The following NELL2 variants were observed in gnomAD, a reference collection of about 807,000 sequenced individuals.
NELL2 encodes the protein protein kinase C-binding protein NELL2.
Under a neutral mutation model 109.6 loss-of-function variants are expected in NELL2, and 41 were observed. That is an observed-to-expected ratio of 0.37 (90% CI 0.29 to 0.49). The LOEUF is 0.49. Ranked by LOEUF, NELL2 falls within the 20% of genes least tolerant of loss-of-function variation. The pLI is 0.98. For missense variants in NELL2, 900 were observed against 1,008.3 expected, an observed-to-expected ratio of 0.89 and a Z score of 1.45; for synonymous variants, 355 against 344.7, an observed-to-expected ratio of 1.03 and a Z score of -0.33.
intron 1 of NELL2, among the ~76,000 whole-genome samples, chr12:44,882,834 C>CTTTTTTT (rs35577007): frequency 5.5e-5 from 4 of 73,278 alleles, no homozygotes; most frequent in South Asian, 7.2e-4. Context: ...GGCTATATAC[C>CTTTTTTT]TTTTTTTTTT....
rs190897187 is a variant in NELL2, at chr12:44,756,729, A to G, written c.994+18018T>C. Among the ~76,000 whole-genome samples, 397 of 152,204 alleles carry G rather than the reference A, an allele frequency of 2.6e-3. 2 individuals are homozygous for G. Among genetic ancestry groups the G allele is most frequent in the African/African-American group, 8.9e-3 (370 of 41,520 alleles). ...CAATAATACTTCTGATTTTCTGTGT[A>G]ATTTTCTGGCAACTCTTTCTCATGT... On this transcript the variant is annotated intron_variant, in intron 9 of 19. Transcript: ENST00000429094.
intron 13 of NELL2, among the ~76,000 whole-genome samples, chr12:44,639,816 A>C (rs1257212132): frequency 6.6e-6 from 1 of 152,158 alleles, no homozygotes; most frequent in Non-Finnish European, 1.5e-5. Context: ...TCAATGGCTT[A>C]CCATGACATC....
chr12:44,701,273 C>G (rs1394966687), intron 12 of NELL2, among the ~76,000 whole-genome samples: 1 of 151,880 alleles, frequency 6.6e-6, no homozygotes, highest in Non-Finnish European at 1.5e-5. Flanking sequence ...TAAAAAAATT[C>G]AAGATATCTT....
intron 13 of NELL2, 129 bp downstream of exon 13, chr12:44,665,355 G>C (rs569181782): frequency 1.4e-6 from 1 of 716,640 alleles, no homozygotes; most frequent in African/African-American, 1.8e-5. Context: ...ACCAAATCAA[G>C]AAGATATGAT....
At chr12:44,668,236 A>C (rs1017734186) in intron 12 of NELL2, among the ~76,000 whole-genome samples, 1 of 152,134 alleles carries the variant, frequency 6.6e-6, no homozygotes, top group African/African-American at 2.4e-5. Context: ...CTGAGGAAGC[A>C]ACCCCTGGGA....
intron 2 of NELL2, among the ~76,000 whole-genome samples, chr12:44,843,374 G>A (rs904053837): frequency 6.6e-6 from 1 of 152,152 alleles, no homozygotes; most frequent in African/African-American, 2.4e-5. Context: ...ACACTGGTTA[G>A]AATGACAAAA....
At chr12:44,743,941 C>A (rs1940166178) in intron 9 of NELL2, among the ~76,000 whole-genome samples, 1 of 152,088 alleles carries the variant, frequency 6.6e-6, no homozygotes, top group South Asian at 2.1e-4. Flanking sequence ...AGCTCTGCAC[C>A]AAGCGGACCT....
At chr12:44,760,514 T>TA (rs1374392219) in intron 9 of NELL2, among the ~76,000 whole-genome samples, 1 of 152,112 alleles carries the variant, frequency 6.6e-6, no homozygotes, top group African/African-American at 2.4e-5. Context: ...AAAGCTATGA[T>TA]AAAATACTGT....
At chr12:44,657,264 C>A (rs940229250) in intron 13 of NELL2, among the ~76,000 whole-genome samples, 2 of 152,090 alleles carry the variant, frequency 1.3e-5, no homozygotes, top group African/African-American at 2.4e-5. Flanking sequence ...CTAGTGATAA[C>A]TTCTTTAAAT....
intron 15 of NELL2, among the ~76,000 whole-genome samples, chr12:44,561,554 G>T (rs575406383): frequency 6.6e-6 from 1 of 152,206 alleles, no homozygotes; most frequent in South Asian, 2.1e-4. Flanking sequence ...AATCATGAGT[G>T]AATTCCCATT....
chr12:44,916,384 T>TCTGA (rs138970354), upstream of NELL2, among the ~76,000 whole-genome samples: 5,293 of 152,138 alleles, frequency 0.035, 198 homozygotes, highest in African/African-American at 0.085. Context: ...GGATTCAGAA[T>TCTGA]CTAAGCTAAA....
In NELL2 at chr12:44,508,607, AC is replaced by A. The variant is rs1233630009; in HGVS notation, c.*326del. 8.3e-5 allele frequency: 17 copies of A among 204,884 alleles called. No individual in the cohort carries two copies. The highest frequency in any genetic ancestry group is 3.5e-4 in the African/African-American group (15 of 43,374). The allele number at this position is 204,884 out of a possible 1,614,324, so 12.7% of individuals were successfully genotyped here. On this transcript the variant is annotated 3_prime_UTR_variant, in exon 20 of 20. Coordinates refer to ENST00000429094, the MANE Select transcript of NELL2 (RefSeq NM_001145108.2). ...TCTGATCTAGAGGAAAATTTTCTGC[AC>A]CAGTGAAGCTAGAGGCTTTCACAGA... is the stretch of plus-strand genomic sequence containing the variant.
chr12:44,568,393 C>T (rs757559960), intron 15 of NELL2, among the ~76,000 whole-genome samples: 2 of 152,064 alleles, frequency 1.3e-5, no homozygotes, highest in African/African-American at 2.4e-5. Flanking sequence ...TACATTCAGA[C>T]AATTTTGATT....
chr12:44,690,667 A>C (rs1411169708), intron 12 of NELL2, among the ~76,000 whole-genome samples: 1 of 152,146 alleles, frequency 6.6e-6, no homozygotes, highest in East Asian at 1.9e-4. Context: ...TTAGAATGTC[A>C]CCTCTGCTAG....
At chr12:44,885,345 A>G (rs1945458641) in intron 1 of NELL2, among the ~76,000 whole-genome samples, 1 of 152,026 alleles carries the variant, frequency 6.6e-6, no homozygotes, top group African/African-American at 2.4e-5. Flanking sequence ...AGGAAGAAAT[A>G]AATGTTTTCC....
At chr12:44,710,186 A>G (rs929455334) in intron 11 of NELL2, among the ~76,000 whole-genome samples, 4 of 152,202 alleles carry the variant, frequency 2.6e-5, no homozygotes, top group African/African-American at 9.7e-5. Flanking sequence ...TCTAGGATCT[A>G]TCAGATCCTA....
intron 13 of NELL2, among the ~76,000 whole-genome samples, chr12:44,659,957 G>A (rs1014590166): frequency 3.3e-5 from 5 of 152,026 alleles, no homozygotes; most frequent in African/African-American, 1.2e-4. Flanking sequence ...TAATTTGAGG[G>A]GCCCTAAGAA....
At chr12:44,632,077 T>C (rs568736914) in intron 13 of NELL2, among the ~76,000 whole-genome samples, 95 of 152,206 alleles carry the variant, frequency 6.2e-4, no homozygotes, top group Non-Finnish European at 1.2e-3. Flanking sequence ...AAAAATTAGA[T>C]GACCATCTCA....
rs116193418 is a variant in NELL2, at chr12:44,575,054, G to C, written c.1663+32115C>G. Among the ~76,000 whole-genome samples, 728 of 152,200 alleles carry C rather than the reference G, an allele frequency of 4.8e-3. 6 individuals carry two copies. Among genetic ancestry groups the C allele is most frequent in the African/African-American group, 0.015 (621 of 41,526 alleles). On this transcript the variant is annotated intron_variant, in intron 15 of 19. Transcript: ENST00000429094. ...ATTTTACTTACACATCTTGTGTATG[G>C]TTTGCCTTTCTTCCCTTACAGCATA...
Sources: allele counts gnomAD v4.1 joint callset (sites outside exome capture counted in the v4.1 genomes callset), GRCh38; gene constraint gnomAD v4.1.1; transcripts MANE v1.5; gene names NCBI Gene and HGNC (gene_info 2026-07-23, HGNC 2026-07-21).